CTNNA3: variants seen among roughly 807,000 people sequenced by gnomAD.
The protein encoded by CTNNA3 is catenin alpha-3.
Under a neutral mutation model 95.7 loss-of-function variants are expected in CTNNA3, and 76 were observed. That is an observed-to-expected ratio of 0.79 (90% CI 0.66 to 0.96). The LOEUF (loss-of-function observed/expected upper bound fraction) is 0.96, where lower values mean the gene tolerates loss of function less well. Among genes scored for constraint, CTNNA3 ranks in the 40% least tolerant of loss-of-function variants. The pLI, the probability that CTNNA3 is intolerant of heterozygous loss-of-function variation, is 0.00. For synonymous variants in CTNNA3, 431 were observed against 374.4 expected (o/e 1.15, Z -1.74); for missense variants, 1,191 against 1,089.8 (o/e 1.09, Z -1.31).
rs547884875 is a variant in CTNNA3 at position 67,481,882 on chromosome 10, G to A, written c.579+39960C>T. ...TCTTCTAGGGTTTTTATGGTTTTAG[G>A]TCTAATGTTTAAGTCTTTAATCCAT... On this transcript the variant is annotated intron_variant, in intron 5 of 17. Transcript: ENST00000433211. Among the ~76,000 whole-genome samples, 361 of 152,068 alleles carry A rather than the reference G, an allele frequency of 2.4e-3. 1 individual carries two copies. The highest frequency in any genetic ancestry group is 3.8e-3 in the Non-Finnish European group (260 of 68,014).
At chr10:67,674,987 C>G (rs1455503885) in intron 1 of CTNNA3, among the ~76,000 whole-genome samples, 1 of 152,004 alleles carries the variant, frequency 6.6e-6, no homozygotes, top group African/African-American at 2.4e-5. Context: ...TAGGTTATTG[C>G]CATACATTAA....
chr10:66,520,579 CAA>C, intron 11 of CTNNA3, 36 bp downstream of exon 11: 1 of 1,557,818 alleles, frequency 6.4e-7, no homozygotes. Context: ...ATAAAATTGA[CAA>C]GAGAAAATAA....
At chr10:67,002,211 G>A (rs953300997) in intron 7 of CTNNA3, among the ~76,000 whole-genome samples, 3 of 152,038 alleles carry the variant, frequency 2.0e-5, no homozygotes, top group Non-Finnish European at 4.4e-5. Flanking sequence ...CGAATGGGAA[G>A]CTTTTTCAAA....
At chr10:66,546,391 A>G (rs1324803289) in intron 10 of CTNNA3, among the ~76,000 whole-genome samples, 1 of 152,168 alleles carries the variant, frequency 6.6e-6, no homozygotes, top group Non-Finnish European at 1.5e-5. Context: ...AATCATAATA[A>G]TAAATGTATA....
intron 7 of CTNNA3, among the ~76,000 whole-genome samples, chr10:66,912,078 T>C (rs1554877522): frequency 6.6e-6 from 1 of 152,218 alleles, no homozygotes; most frequent in Non-Finnish European, 1.5e-5. Flanking sequence ...ACATTACTAT[T>C]ACCAGATTTT....
At chr10:67,738,537 C>T (rs893398353) in intron 1 of CTNNA3, among the ~76,000 whole-genome samples, 7 of 152,142 alleles carry the variant, frequency 4.6e-5, no homozygotes, top group Admixed American at 4.6e-4. Flanking sequence ...AGTGCCTCTC[C>T]TCCTCCAAAC....
intron 17 of CTNNA3, among the ~76,000 whole-genome samples, chr10:65,926,412 T>C (rs1358792326): frequency 6.6e-6 from 1 of 152,074 alleles, no homozygotes; most frequent in South Asian, 2.1e-4. Context: ...TATTGGATAA[T>C]TCCAGGGATT....
chr10:66,020,912 A>T (rs1215774525), intron 15 of CTNNA3, among the ~76,000 whole-genome samples: 1 of 151,922 alleles, frequency 6.6e-6, no homozygotes, highest in Admixed American at 6.6e-5. Context: ...TGACCTCATG[A>T]TCCGCCCTCC....
intron 13 of CTNNA3, among the ~76,000 whole-genome samples, chr10:66,217,063 T>C (rs1280799265): frequency 6.6e-6 from 1 of 152,158 alleles, no homozygotes; most frequent in African/African-American, 2.4e-5. Context: ...CCTATATAAA[T>C]GGAGTCATAC....
chr10:66,154,719 C>CATACATATATATATATATATAT (rs2084390903), intron 13 of CTNNA3, among the ~76,000 whole-genome samples: 1 of 74,812 alleles, frequency 1.3e-5, no homozygotes, highest in Admixed American at 1.7e-4. Context: ...TGAAAAAGTT[C>CATACATATATATATATATATAT]ATATATATAT....
At chr10:66,377,411 T>G (rs1408865477) in intron 12 of CTNNA3, among the ~76,000 whole-genome samples, 1 of 152,114 alleles carries the variant, frequency 6.6e-6, no homozygotes, top group Non-Finnish European at 1.5e-5. Context: ...GAAAGGTTAT[T>G]ATAAATCAAA....
chr10:66,012,999 C>T (rs1052662148), intron 15 of CTNNA3, among the ~76,000 whole-genome samples: 1 of 152,156 alleles, frequency 6.6e-6, no homozygotes, highest in Non-Finnish European at 1.5e-5. Context: ...CTCCCTGGTT[C>T]AAGCGATTCT....
At chr10:66,892,008 T>C (rs549228062) in intron 7 of CTNNA3, among the ~76,000 whole-genome samples, 1 of 152,280 alleles carries the variant, frequency 6.6e-6, no homozygotes, top group East Asian at 1.9e-4. Context: ...GTCTTATTTA[T>C]ACTGATCTAT....
chr10:66,933,074 C>T (rs1847498863), intron 7 of CTNNA3, among the ~76,000 whole-genome samples: 1 of 152,182 alleles, frequency 6.6e-6, no homozygotes, highest in Non-Finnish European at 1.5e-5. Flanking sequence ...TTTGTAAACT[C>T]TAAAATGGCA....
intron 10 of CTNNA3, among the ~76,000 whole-genome samples, chr10:66,561,288 A>AG (rs1251704896): frequency 1.3e-5 from 2 of 152,076 alleles, no homozygotes; most frequent in African/African-American, 4.8e-5. Context: ...ATGTACTGAG[A>AG]GGGCAAGACA....
intron 13 of CTNNA3, among the ~76,000 whole-genome samples, chr10:66,171,144 A>C (rs1447010159): frequency 6.6e-6 from 1 of 151,998 alleles, no homozygotes; most frequent in Non-Finnish European, 1.5e-5. Flanking sequence ...AAAAAAAAGA[A>C]ATATCTCACA....
chr10:66,287,485 G>C (rs534100612), intron 12 of CTNNA3, among the ~76,000 whole-genome samples: 6 of 152,056 alleles, frequency 3.9e-5, no homozygotes, highest in Non-Finnish European at 7.4e-5. Flanking sequence ...CTCAGAGCCT[G>C]TGCCCATAGC....
chr10:66,981,878 C>T (rs1850461767), intron 7 of CTNNA3, among the ~76,000 whole-genome samples: 1 of 152,184 alleles, frequency 6.6e-6, no homozygotes, highest in South Asian at 2.1e-4. Flanking sequence ...TTCCCACTTA[C>T]TTGCTCCCAA....
intron 9 of CTNNA3, among the ~76,000 whole-genome samples, chr10:66,679,975 A>C (rs760850115): frequency 1.3e-5 from 2 of 152,152 alleles, no homozygotes; most frequent in Non-Finnish European, 2.9e-5. Context: ...CCTCATAAGA[A>C]GAGCATTCAC....
Sources: allele counts gnomAD v4.1 joint callset (sites outside exome capture counted in the v4.1 genomes callset), GRCh38; gene constraint gnomAD v4.1.1; transcripts MANE v1.5; gene names NCBI Gene and HGNC (gene_info 2026-07-23, HGNC 2026-07-21).